FUT9: variants seen among roughly 807,000 people sequenced by gnomAD.
FUT9 encodes fucosyltransferase 9.
Under a neutral mutation model 29.7 loss-of-function variants are expected in FUT9, and 15 were observed. The observed-to-expected ratio is 0.51, with a 90% CI of 0.34 to 0.78. The LOEUF is 0.78. Among genes scored for constraint, FUT9 ranks in the 30% least tolerant of loss-of-function variants. The pLI is 0.01. For synonymous variants in FUT9, 169 were observed against 153.7 expected (o/e 1.10, Z -0.74); for missense variants, 319 against 425.4 (o/e 0.75, Z 2.20).
At chr6:96,076,958 T>G (rs1407555780) in intron 1 of FUT9, among the ~76,000 whole-genome samples, 1 of 152,166 alleles carries the variant, frequency 6.6e-6, no homozygotes, top group Non-Finnish European at 1.5e-5. Flanking sequence ...TTTATGAATA[T>G]GCAAAATTTT....
intron 1 of FUT9, among the ~76,000 whole-genome samples, chr6:96,054,745 C>T (rs1770732341): frequency 6.6e-6 from 1 of 152,078 alleles, no homozygotes; most frequent in Non-Finnish European, 1.5e-5. Context: ...GTTTGCAGTC[C>T]TAATCCCTTT....
intron 1 of FUT9, among the ~76,000 whole-genome samples, chr6:96,049,069 TTAAA>T (rs1456419436): frequency 6.6e-6 from 1 of 152,204 alleles, no homozygotes; most frequent in Non-Finnish European, 1.5e-5. Flanking sequence ...CTGACACATA[TTAAA>T]TAAATACTAC....
chr6:96,202,409 A>G (rs1056580881), intron 2 of FUT9, among the ~76,000 whole-genome samples: 2 of 152,138 alleles, frequency 1.3e-5, no homozygotes, highest in Non-Finnish European at 2.9e-5. Flanking sequence ...TCCAATGCAA[A>G]TAGAACATTT....
intron 1 of FUT9, among the ~76,000 whole-genome samples, chr6:96,057,542 C>T (rs1482733844): frequency 6.6e-6 from 1 of 152,218 alleles, no homozygotes; most frequent in African/African-American, 2.4e-5. Context: ...TAATGGCCAT[C>T]ATTTATACAT....
intron 1 of FUT9, among the ~76,000 whole-genome samples, chr6:96,088,884 T>C (rs777204419): frequency 6.6e-6 from 1 of 152,188 alleles, no homozygotes; most frequent in Non-Finnish European, 1.5e-5. Context: ...CTGGTTATTT[T>C]TGTGTATCTC....
intron 1 of FUT9, among the ~76,000 whole-genome samples, chr6:96,048,079 A>G (rs943862359): frequency 6.6e-6 from 1 of 152,130 alleles, no homozygotes; most frequent in Admixed American, 6.6e-5. Context: ...CATTTTTCAA[A>G]GTCAGCAAGT....
chr6:96,098,243 C>T lies in FUT9; in HGVS notation c.-97-15796C>T, dbSNP rs117755343. ...TTTTTATAAAGCATGATTTTCAGAACCTATAACTTCTGGATCTCCCTCCTC... is the reference window on the plus strand; with the variant it reads ...TTTTTATAAAGCATGATTTTCAGAATCTATAACTTCTGGATCTCCCTCCTC... On this transcript the variant is annotated intron_variant, in intron 1 of 2. Transcript: ENST00000302103. Among the ~76,000 whole-genome samples, 1,218 of 152,228 alleles carry T rather than the reference C, an allele frequency of 8.0e-3. 4 individuals carry two copies. The highest frequency in any genetic ancestry group is 0.02 in the Middle Eastern group (6 of 294).
chr6:96,018,919 G>A (rs1035450943), intron 1 of FUT9, among the ~76,000 whole-genome samples: 2 of 151,582 alleles, frequency 1.3e-5, no homozygotes, highest in African/African-American at 4.8e-5. Flanking sequence ...TTGGTATTTA[G>A]TTACCTTATT....
intron 1 of FUT9, among the ~76,000 whole-genome samples, chr6:96,070,427 T>C (rs1018804477): frequency 6.6e-6 from 1 of 152,200 alleles, no homozygotes; most frequent in Non-Finnish European, 1.5e-5. Context: ...TAATTATGCC[T>C]GTAATTCCAG....
chr6:96,045,969 C>T (rs1260539220), intron 1 of FUT9, among the ~76,000 whole-genome samples: 1 of 152,116 alleles, frequency 6.6e-6, no homozygotes, highest in African/African-American at 2.4e-5. Context: ...TTCAGCTTTC[C>T]AAATACATCA....
intron 1 of FUT9, among the ~76,000 whole-genome samples, chr6:96,072,496 A>T (rs1771079090): frequency 6.6e-6 from 1 of 152,156 alleles, no homozygotes; most frequent in South Asian, 2.1e-4. Context: ...GAATCTTTAA[A>T]AACAAAACAA....
At chr6:96,054,685 T>C (rs1271262120) in intron 1 of FUT9, among the ~76,000 whole-genome samples, 1 of 152,204 alleles carries the variant, frequency 6.6e-6, no homozygotes, top group Non-Finnish European at 1.5e-5. Context: ...GGCAGAAATA[T>C]TGATATCAGC....
chr6:96,026,234 T>A (rs1402049117), intron 1 of FUT9, among the ~76,000 whole-genome samples: 1 of 151,740 alleles, frequency 6.6e-6, no homozygotes, highest in Non-Finnish European at 1.5e-5. Context: ...TGGATAGGCT[T>A]CTTATCTGTG....
At chr6:96,140,405 A>G (rs1207364665) in intron 2 of FUT9, among the ~76,000 whole-genome samples, 1 of 151,756 alleles carries the variant, frequency 6.6e-6, no homozygotes, top group East Asian at 1.9e-4. Flanking sequence ...AACTATTCCA[A>G]CCTCTGCCTG....
chr6:96,200,031 C>T (rs926580580), intron 2 of FUT9, among the ~76,000 whole-genome samples: 4 of 152,104 alleles, frequency 2.6e-5, no homozygotes. Flanking sequence ...AGCCAGGTGG[C>T]CTGGGCTTGA....
At chr6:96,160,405 C>T (rs184341291) in intron 2 of FUT9, among the ~76,000 whole-genome samples, 301 of 152,234 alleles carry the variant, frequency 2.0e-3, no homozygotes, top group African/African-American at 6.7e-3. Flanking sequence ...CATTACTATC[C>T]ATGTTTCTAT....
chr6:96,197,393 C>G (rs1487465057), intron 2 of FUT9, among the ~76,000 whole-genome samples: 3 of 151,960 alleles, frequency 2.0e-5, no homozygotes, highest in African/African-American at 7.2e-5. Flanking sequence ...GAAAGGTTCA[C>G]AAACACAAAT....
At chr6:96,066,609 T>C (rs879498195) in intron 1 of FUT9, among the ~76,000 whole-genome samples, 1 of 152,074 alleles carries the variant, frequency 6.6e-6, no homozygotes, top group Non-Finnish European at 1.5e-5. Context: ...TGATGGTGAT[T>C]TTGTAATCCA....
At position 96,211,489 on chromosome 6, in the gene FUT9, T is replaced by G. The variant is rs1773936446; in HGVS notation, c.*7254T>G. ...GTTTTGACACAGGACTAGTTAATGA[T>G]TTGTTAGGAAGTCTCCATCTACTCT... On this transcript the variant is annotated 3_prime_UTR_variant, in exon 3 of 3. Transcript: ENST00000302103. 6.0e-6 allele frequency: 1 copy of G among 166,830 alleles called. No homozygotes were observed. The highest frequency in any genetic ancestry group is 2.4e-5 in the African/African-American group (1 of 41,434). The allele number at this position is 166,830 out of a possible 1,614,324, so 10.3% of individuals were successfully genotyped here. A position where few individuals can be genotyped will look rare whatever the true frequency, so the allele number is the denominator to read the frequency against.
Sources: gnomAD v4.1 joint callset for allele counts (sites outside exome capture counted in the v4.1 genomes callset) on GRCh38, gnomAD v4.1.1 for gene constraint, MANE v1.5 for transcripts, NCBI Gene and HGNC (gene_info 2026-07-23, HGNC 2026-07-21) for gene names.